Variants in MVB12B observed in about 807,000 individuals in gnomAD.
The protein encoded by MVB12B is ESCRT-I complex subunit MVB12B.
MVB12B carries 16 observed loss-of-function variants against 41.6 expected under a neutral mutation model. The ratio of observed to expected loss-of-function variants is 0.38; its 90% CI spans 0.26 to 0.58. The LOEUF is 0.58. MVB12B is among the 20% of genes least tolerant of loss of function. MVB12B has a pLI of 0.62. For synonymous variants in MVB12B, 133 were observed against 139.7 expected, an observed-to-expected ratio of 0.95 and a Z score of 0.34; for missense variants, 274 against 380.2, an observed-to-expected ratio of 0.72 and a Z score of 2.32.
At chr9:126,394,127 C>T (rs1357669917) in intron 5 of MVB12B, among the ~76,000 whole-genome samples, 2 of 152,208 alleles carry the variant, frequency 1.3e-5, no homozygotes, top group Admixed American at 1.3e-4. Context: ...ACTCAAAAAT[C>T]CCGTTTTGCA....
chr9:126,375,363 C>CTTTTTTTTTTTTTTTTTT (rs35585049), intron 2 of MVB12B, among the ~76,000 whole-genome samples: 1 of 105,194 alleles, frequency 9.5e-6, no homozygotes. Context: ...TAAATTGATT[C>CTTTTTTTTTTTTTTTTTT]TTTTTTTTTT....
Position 126,333,831 on chromosome 9 carries a change from C to T in MVB12B, c.82-6677C>T, listed in dbSNP as rs1829199192. On this transcript the variant is annotated intron_variant, in intron 1 of 9. Transcript: ENST00000361171. This position sits in a 1 kb window ranked among gnomAD's most constrained non-coding sequence, Gnocchi z 4.7. ...TGAGGCTTTTCTCCATGGAAGATTA[C>T]CTTTAGGTTCATTCCATCCATCCAT... Among the ~76,000 whole-genome samples the T allele has an allele frequency of 6.7e-6, 1 of 148,710 alleles. No individual in the cohort carries two copies. Among genetic ancestry groups the T allele is most frequent in the Admixed American group, 6.8e-5 (1 of 14,746 alleles).
At chr9:126,349,624 T>A (rs961496389) in intron 2 of MVB12B, among the ~76,000 whole-genome samples, 13 of 152,210 alleles carry the variant, frequency 8.5e-5, no homozygotes, top group Middle Eastern at 3.4e-3. Context: ...AATTGGCTTT[T>A]AAAAAAAACT....
intron 7 of MVB12B, among the ~76,000 whole-genome samples, chr9:126,447,331 C>CT (rs1339948978): frequency 6.8e-6 from 1 of 147,686 alleles, no homozygotes; most frequent in African/African-American, 2.5e-5. Flanking sequence ...GTTTTCTGTC[C>CT]TTTTTTGATT....
At chr9:126,487,793 A>C (rs1444150164) in intron 9 of MVB12B, among the ~76,000 whole-genome samples, 1 of 151,890 alleles carries the variant, frequency 6.6e-6, no homozygotes, top group Non-Finnish European at 1.5e-5. Context: ...ATAACAAAAC[A>C]GGTCTGTATT....
chr9:126,372,351 A>G (rs1285181697), intron 2 of MVB12B, among the ~76,000 whole-genome samples: 1 of 152,232 alleles, frequency 6.6e-6, no homozygotes, highest in Non-Finnish European at 1.5e-5. Context: ...GCAAGTTTGT[A>G]TGTAGACGCT....
intron 7 of MVB12B, among the ~76,000 whole-genome samples, chr9:126,432,921 C>T (rs55711504): frequency 0.11 from 16,002 of 152,248 alleles, 925 homozygotes; most frequent in Non-Finnish European, 0.12. Context: ...ACTGTTTAAA[C>T]TCTCACGTGG....
At chr9:126,419,202 C>T (rs1054346689) in intron 6 of MVB12B, among the ~76,000 whole-genome samples, 1 of 152,146 alleles carries the variant, frequency 6.6e-6, no homozygotes, top group African/African-American at 2.4e-5. Context: ...AGGTTGCGTG[C>T]ACCTTTTTAG....
At position 126,367,612 on chromosome 9, in the gene MVB12B, TG is replaced by T. The variant is rs1481169476; in HGVS notation, c.205-13450del. 2.0e-5 allele frequency among the ~76,000 whole-genome samples: 3 copies of T among 152,210 alleles called. No individual in the cohort carries two copies. Among genetic ancestry groups the T allele is most frequent in the African/African-American group, 7.2e-5 (3 of 41,446 alleles). On this transcript the variant is annotated intron_variant, in intron 2 of 9. Coordinates refer to ENST00000361171, the MANE Select transcript of MVB12B (RefSeq NM_033446.3). The surrounding 1 kb of genome is among the most constrained non-coding windows in gnomAD (Gnocchi z 4.3). ...CTTGCTTTTGAGAGCTCTCAGCACT[TG>T]GCGCTCCCTTACAGCACGGAGGTGA...
At chr9:126,500,505 T>TCTAAACTGATCCCCAGACCAG (rs1833931713) in intron 9 of MVB12B, among the ~76,000 whole-genome samples, 1 of 152,122 alleles carries the variant, frequency 6.6e-6, no homozygotes. Context: ...CGTAGAATTC[T>TCTAAACTGATCCCCAGACCAG]CTAAACTGAT....
At chr9:126,495,121 G>A (rs1208111363) in intron 9 of MVB12B, among the ~76,000 whole-genome samples, 1 of 150,784 alleles carries the variant, frequency 6.6e-6, no homozygotes, top group Non-Finnish European at 1.5e-5. Flanking sequence ...GAGCCCAGGA[G>A]GTCAAGGCTG....
At chr9:126,410,897 T>TC (rs1352467042) in intron 6 of MVB12B, among the ~76,000 whole-genome samples, 2 of 150,342 alleles carry the variant, frequency 1.3e-5, no homozygotes, top group Non-Finnish European at 1.5e-5. Context: ...TCTTTTTTTT[T>TC]TTTTTTTTGA....
chr9:126,401,250 C>G (rs996905989), intron 6 of MVB12B, among the ~76,000 whole-genome samples: 2 of 152,232 alleles, frequency 1.3e-5, no homozygotes, highest in Non-Finnish European at 2.9e-5. Flanking sequence ...ATGCAGCTCC[C>G]AGGAGCCTCT....
chr9:126,405,350 G>A (rs753845126), intron 6 of MVB12B, among the ~76,000 whole-genome samples: 7 of 151,998 alleles, frequency 4.6e-5, no homozygotes, highest in East Asian at 1.9e-4. Flanking sequence ...TGGTTTCAGC[G>A]CCAGGGTTTT....
At chr9:126,341,363 A>T (rs1421844999) in intron 2 of MVB12B, among the ~76,000 whole-genome samples, 1 of 152,268 alleles carries the variant, frequency 6.6e-6, no homozygotes, top group Non-Finnish European at 1.5e-5. Flanking sequence ...GAGGAACGTT[A>T]GGAGGGTTTA....
At position 126,502,417 on chromosome 9, in the gene MVB12B, C is replaced by T. The variant is rs186617197; in HGVS notation, c.874-760C>T. On this transcript the variant is annotated intron_variant, in intron 9 of 9. Transcript: ENST00000361171. ...GTACTTAACCCCTTCTCTAAATTTC[C>T]ATCAGACTTGGAACGCGATTTAGTG... Among the ~76,000 whole-genome samples the T allele has an allele frequency of 2.3e-3, 346 of 152,272 alleles. 3 individuals are homozygous for T. The highest frequency in any genetic ancestry group is 8.2e-3 in the African/African-American group (342 of 41,574).
chr9:126,445,165 A>G (rs893192698), intron 7 of MVB12B, among the ~76,000 whole-genome samples: 20 of 152,186 alleles, frequency 1.3e-4, no homozygotes, highest in South Asian at 2.1e-4. Context: ...AAAATATCCA[A>G]TCTTTCCTTC....
At chr9:126,439,721 T>G (rs914508519) in intron 7 of MVB12B, among the ~76,000 whole-genome samples, 3 of 152,230 alleles carry the variant, frequency 2.0e-5, no homozygotes, top group South Asian at 4.1e-4. Context: ...ATGAAAATTA[T>G]ATGAAAAAGA....
At chr9:126,380,435 G>A (rs1830601390) in intron 2 of MVB12B, among the ~76,000 whole-genome samples, 1 of 152,158 alleles carries the variant, frequency 6.6e-6, no homozygotes, top group African/African-American at 2.4e-5. Flanking sequence ...TGAGAAAATG[G>A]CTTCTTAGTG....
Sources: gnomAD v4.1 joint callset for allele counts (sites outside exome capture counted in the v4.1 genomes callset) on GRCh38, gnomAD v4.1.1 for gene constraint, Gnocchi (gnomAD v3.1) non-coding constraint, MANE v1.5 for transcripts, NCBI Gene and HGNC (gene_info 2026-07-23, HGNC 2026-07-21) for gene names.